CCL28: variants seen among roughly 807,000 people sequenced by gnomAD.
The protein encoded by CCL28 is C-C motif chemokine 28.
CCL28 carries 4 observed loss-of-function variants against 7.1 expected under a neutral mutation model. The ratio of observed to expected loss-of-function variants is 0.56; its 90% CI spans 0.28 to 1.29. The LOEUF is 1.29. Ranked by LOEUF, CCL28 falls within the 50% of genes most tolerant of loss-of-function variation. CCL28 has a pLI of 0.11. For missense variants in CCL28, 151 were observed against 163.4 expected, an observed-to-expected ratio of 0.92 and a Z score of 0.41; for synonymous variants, 55 against 57.8, an observed-to-expected ratio of 0.95 and a Z score of 0.22.
intron 1 of CCL28, among the ~76,000 whole-genome samples, chr5:43,398,731 A>G (rs1740915911): frequency 1.3e-5 from 2 of 152,144 alleles, no homozygotes; most frequent in South Asian, 4.1e-4. Context: ...GACGCCAGTA[A>G]TTCCAGTTAC....
the CCL28 span, among the ~76,000 whole-genome samples, chr5:43,367,756 C>T: frequency 5.9e-4 from 90 of 152,356 alleles, 1 homozygote; most frequent in African/African-American, 2.1e-3. Flanking sequence ...ATGCAGAAAT[C>T]ACCTGCCTTC....
chr5:43,412,139 G>T, intron 1 of CCL28, 114 bp downstream of exon 1: 1 of 685,688 alleles, frequency 1.5e-6, no homozygotes, highest in Non-Finnish European at 2.3e-6. Context: ...AAATCAATTG[G>T]AAATTCCTGC....
intron 2 of CCL28, 34 bp from the exon 3 acceptor site, chr5:43,382,086 T>C: frequency 1.3e-6 from 2 of 1,573,920 alleles, no homozygotes; most frequent in South Asian, 2.3e-5. Flanking sequence ...AAGTCACTGA[T>C]ATAAAACATA....
At chr5:43,358,811 A>G in the CCL28 span, among the ~76,000 whole-genome samples, 24 of 152,230 alleles carry the variant, frequency 1.6e-4, no homozygotes, top group Non-Finnish European at 2.9e-4. Flanking sequence ...TGACCAAAAT[A>G]GTCCCATACT....
chr5:43,359,897 A>G, the CCL28 span, among the ~76,000 whole-genome samples: 1 of 152,046 alleles, frequency 6.6e-6, no homozygotes, highest in East Asian at 1.9e-4. Flanking sequence ...TCAATGCATG[A>G]GGACCATTTT....
chr5:43,393,660 T>G (rs1248408457), intron 1 of CCL28, among the ~76,000 whole-genome samples: 1 of 150,298 alleles, frequency 6.7e-6, no homozygotes, highest in Non-Finnish European at 1.5e-5. Context: ...CGGCCTCCTT[T>G]CCTCCATTCT....
the CCL28 span, among the ~76,000 whole-genome samples, chr5:43,365,420 T>C: frequency 6.6e-6 from 1 of 152,204 alleles, no homozygotes. Flanking sequence ...TGATGCTAGC[T>C]AGTTATTTTG....
At chr5:43,407,651 A>G (rs1285794929) in intron 1 of CCL28, among the ~76,000 whole-genome samples, 1 of 152,270 alleles carries the variant, frequency 6.6e-6, no homozygotes, top group Non-Finnish European at 1.5e-5. Flanking sequence ...ATGGGATCTA[A>G]TTAAACCAAA....
chr5:43,401,509 C>A (rs1741038508), intron 1 of CCL28, among the ~76,000 whole-genome samples: 1 of 152,174 alleles, frequency 6.6e-6, no homozygotes, highest in Admixed American at 6.5e-5. Context: ...CTGCTAGTTA[C>A]TAGCTGACCT....
chr5:43,386,587 C>T (rs1468364977), intron 2 of CCL28, among the ~76,000 whole-genome samples: 1 of 152,220 alleles, frequency 6.6e-6, no homozygotes, highest in Non-Finnish European at 1.5e-5. Context: ...GACCTTTAAA[C>T]TTTATTTGAT....
At chr5:43,359,446 T>C in the CCL28 span, among the ~76,000 whole-genome samples, 1 of 152,242 alleles carries the variant, frequency 6.6e-6, no homozygotes, top group South Asian at 2.1e-4. Context: ...TGCTATTGTT[T>C]GTGGCTTAGT....
At chr5:43,364,088 T>C in the CCL28 span, among the ~76,000 whole-genome samples, 7 of 152,242 alleles carry the variant, frequency 4.6e-5, no homozygotes, top group Admixed American at 3.3e-4. Flanking sequence ...TATTTATATA[T>C]CTTCTTTTCT....
At chr5:43,387,172 T>C (rs1740373722) in intron 2 of CCL28, among the ~76,000 whole-genome samples, 1 of 152,012 alleles carries the variant, frequency 6.6e-6, no homozygotes, top group Non-Finnish European at 1.5e-5. Flanking sequence ...TTGGAGAGGG[T>C]ATTTTATGGT....
At chr5:43,396,055 A>G (rs1198858862) in intron 1 of CCL28, among the ~76,000 whole-genome samples, 3 of 151,884 alleles carry the variant, frequency 2.0e-5, no homozygotes, top group Non-Finnish European at 2.9e-5. Context: ...TATTTTTAGT[A>G]GAGACGGGGT....
At chr5:43,410,184 C>T (rs1741478980) in intron 1 of CCL28, among the ~76,000 whole-genome samples, 1 of 152,188 alleles carries the variant, frequency 6.6e-6, no homozygotes, top group South Asian at 2.1e-4. Context: ...GTTGAGTGTT[C>T]TCTACCTTCC....
chr5:43,390,324 A>G (rs907360475), intron 1 of CCL28, among the ~76,000 whole-genome samples: 40 of 152,214 alleles, frequency 2.6e-4, no homozygotes, highest in Non-Finnish European at 5.6e-4. Context: ...CTGAAGAGAA[A>G]TATGTGACTA....
downstream of CCL28, chr5:43,377,070 G>C (rs1739906702): frequency 6.6e-6 from 1 of 152,198 alleles, no homozygotes; most frequent in South Asian, 2.1e-4. Flanking sequence ...TGAATGTGGT[G>C]CAAGCTTGGA....
chr5:43,405,800 AATG>A (rs1261993400), intron 1 of CCL28, among the ~76,000 whole-genome samples: 13 of 152,234 alleles, frequency 8.5e-5, no homozygotes, highest in Non-Finnish European at 1.5e-5. Context: ...CGCAATAAAA[AATG>A]ATAAGGAGAA....
rs551270546 is a variant in CCL28 at position 43,382,196 on chromosome 5, T to G, written c.192-144A>C. On this transcript the variant is annotated intron_variant, in intron 2 of 2. Coordinates refer to ENST00000361115, the MANE Select transcript of CCL28 (RefSeq NM_148672.3). ...TAAATTTCTGAATTAAGTGTAGAAA[T>G]GAAGTGAATTCTAAAGCTGAGCACC... 1.2e-5 allele frequency: 9 copies of G among 732,436 alleles called. 1 individual carries two copies. The highest frequency in any genetic ancestry group is 3.6e-5 in the African/African-American group (2 of 55,932). The allele number at this position is 732,436 out of a possible 1,614,324, so 45.4% of individuals were successfully genotyped here.
Sources: gnomAD v4.1 joint callset for allele counts (sites outside exome capture counted in the v4.1 genomes callset) on GRCh38, gnomAD v4.1.1 for gene constraint, MANE v1.5 for transcripts, NCBI Gene and HGNC (gene_info 2026-07-23, HGNC 2026-07-21) for gene names.